The following KIRREL3 variants were observed in gnomAD, a reference collection of about 807,000 sequenced individuals.
KIRREL3 encodes kin of IRRE-like protein 3.
A neutral mutation model predicts 89.7 loss-of-function variants in KIRREL3; 36 were observed. That is an observed-to-expected ratio of 0.40 (90% CI 0.31 to 0.53). The LOEUF is 0.53. Among genes scored for constraint, KIRREL3 ranks in the 20% least tolerant of loss-of-function variants. The probability of loss-of-function intolerance (pLI) is 0.49; values close to 1 mark genes in which losing one functional copy is unlikely to be tolerated. For synonymous variants in KIRREL3, 445 were observed against 441.4 expected (o/e 1.01, Z -0.10); for missense variants, 864 against 1,056.6 (o/e 0.82, Z 2.53).
chr11:126,805,160 G>C lies in KIRREL3; in HGVS notation c.55+195295C>G, dbSNP rs1000214635. Among the ~76,000 whole-genome samples the C allele has an allele frequency of 5.9e-5, 9 of 152,140 alleles. No individual in the cohort carries two copies. The highest frequency in any genetic ancestry group is 2.0e-4 in the Admixed American group (3 of 15,266). ...TGCATGTATGTATTCATACATTAAT[G>C]TATTAAGGTAACATCTTTGTATTCA... is the stretch of plus-strand genomic sequence containing the variant. On this transcript the variant is annotated intron_variant, in intron 1 of 16. Coordinates refer to ENST00000525144, the MANE Select transcript of KIRREL3 (RefSeq NM_032531.4). This position sits in a 1 kb window ranked among gnomAD's most constrained non-coding sequence, Gnocchi z 4.3.
In KIRREL3 at chr11:126,776,204, T is replaced by G. The variant is rs916290706; in HGVS notation, c.56-213292A>C. On this transcript the variant is annotated intron_variant, in intron 1 of 16. Coordinates refer to ENST00000525144, the MANE Select transcript of KIRREL3 (RefSeq NM_032531.4). The surrounding 1 kb of genome is among the most constrained non-coding windows in gnomAD (Gnocchi z 4.7). Reference sequence around the variant, plus strand: ...CAGGTGGCTTCCCTCCTGTGGCTGCTTTCAGGGGCAGCCCTACTCTCTCTT... The same window carrying G: ...CAGGTGGCTTCCCTCCTGTGGCTGCGTTCAGGGGCAGCCCTACTCTCTCTT... Among the ~76,000 whole-genome samples the G allele has an allele frequency of 6.6e-6, 1 of 152,178 alleles. No individual in the cohort carries two copies. The highest frequency in any genetic ancestry group is 1.5e-5 in the Non-Finnish European group (1 of 68,032).
chr11:126,814,385 A>C lies in KIRREL3; in HGVS notation c.55+186070T>G, dbSNP rs1951491208. ...GTGGTCTCAAAGACCTACAGTCAGA[A>C]ACACCATTTGACCCAGCAATCCCAT... On this transcript the variant is annotated intron_variant, in intron 1 of 16. Transcript: ENST00000525144. This position sits in a 1 kb window ranked among gnomAD's most constrained non-coding sequence, Gnocchi z 4.4. Among the ~76,000 whole-genome samples the C allele has an allele frequency of 6.6e-6, 1 of 152,230 alleles. No individual in the cohort carries two copies. Among genetic ancestry groups the C allele is most frequent in the Non-Finnish European group, 1.5e-5 (1 of 68,038 alleles).
chr11:126,456,383 A>G lies in KIRREL3; in HGVS notation c.814T>C (p.Ser272Pro). 6.3e-7 allele frequency: 1 copy of G among 1,593,458 alleles called. No homozygotes were observed. Among genetic ancestry groups the G allele is most frequent in the South Asian group, 1.2e-5 (1 of 86,926 alleles). Residue 272 changes from serine (S) to proline (P), a missense_variant, in exon 7 of 17, where the codon TCT (serine) becomes CCT (proline). Physicochemically the swap from Ser to Pro is moderately conservative, Grantham distance 74. Transcript: ENST00000525144. ...GTGACAGCTGGGTTGGCCTTTGCAG[A>G]GCAGTGGAAAGTGACGACGTTGTCC... The part of the protein sequence containing the change: ...LEDNVVTFHC[S>P]AKANPAVTQY...
chr11:126,638,599 G>T (rs956310568), intron 1 of KIRREL3, among the ~76,000 whole-genome samples: 3 of 152,204 alleles, frequency 2.0e-5, no homozygotes, highest in Non-Finnish European at 4.4e-5. Context: ...AGGCGGGCTG[G>T]GGTGGGTAGC....
intron 6 of KIRREL3, 103 bp from the exon 7 acceptor site, chr11:126,456,557 C>G (rs996421399): frequency 1.3e-6 from 1 of 762,828 alleles, no homozygotes; most frequent in Non-Finnish European, 2.1e-6. Context: ...ACCCAGGGAC[C>G]CTCAGAGCAG....
chr11:126,778,267 C>A lies in KIRREL3; in HGVS notation c.56-215355G>T, dbSNP rs1336559916. On this transcript the variant is annotated intron_variant, in intron 1 of 16. Coordinates refer to ENST00000525144, the MANE Select transcript of KIRREL3 (RefSeq NM_032531.4). This position sits in a 1 kb window ranked among gnomAD's most constrained non-coding sequence, Gnocchi z 4.5. ...CACCTTGTTCTGTATCTTGCTTCTT[C>A]ACTTAAAAATATTTTGGAAACTAGT... Among the ~76,000 whole-genome samples the A allele has an allele frequency of 6.6e-6, 1 of 152,120 alleles. No homozygotes were observed. The highest frequency in any genetic ancestry group is 1.5e-5 in the Non-Finnish European group (1 of 68,020).
At chr11:126,889,077 G>C (rs138163424) in intron 1 of KIRREL3, among the ~76,000 whole-genome samples, 24 of 152,226 alleles carry the variant, frequency 1.6e-4, no homozygotes, top group Non-Finnish European at 3.4e-4. Flanking sequence ...AATAAATAAC[G>C]TCGTTAAAGT....
chr11:126,939,975 C>T (rs1948370899), intron 1 of KIRREL3, among the ~76,000 whole-genome samples: 1 of 152,162 alleles, frequency 6.6e-6, no homozygotes, highest in South Asian at 2.1e-4. Context: ...GACTTTACCT[C>T]CTCTGACTTT....
At chr11:126,560,008 G>T (rs942539640) in intron 2 of KIRREL3, among the ~76,000 whole-genome samples, 1 of 152,044 alleles carries the variant, frequency 6.6e-6, no homozygotes, top group African/African-American at 2.4e-5. Flanking sequence ...TAGCTCCAGT[G>T]CTTAGAACAA....
chr11:126,865,403 C>T (rs1032213901), intron 1 of KIRREL3, among the ~76,000 whole-genome samples: 2 of 152,160 alleles, frequency 1.3e-5, no homozygotes, highest in East Asian at 1.9e-4. Flanking sequence ...GTTTGCTGAG[C>T]GGGTCATTGA....
rs1293062133 is a variant in KIRREL3 at position 126,558,561 on chromosome 11, A to G, written c.133+4274T>C. On this transcript the variant is annotated intron_variant, in intron 2 of 16. Coordinates refer to ENST00000525144, the MANE Select transcript of KIRREL3 (RefSeq NM_032531.4). The surrounding 1 kb of genome is among the most constrained non-coding windows in gnomAD (Gnocchi z 4.0). ...ATATGGGCCCCGGGCAAGTTGCTGC[A>G]TGCTCTTGGGCCATGCTGTGTTATT... Among the ~76,000 whole-genome samples the G allele has an allele frequency of 2.0e-5, 3 of 152,166 alleles. No homozygotes were observed. Among genetic ancestry groups the G allele is most frequent in the African/African-American group, 7.2e-5 (3 of 41,444 alleles).
rs1941935028 is a variant in KIRREL3, at chr11:126,587,713, T to C, written c.56-24801A>G. 6.6e-6 allele frequency among the ~76,000 whole-genome samples: 1 copy of C among 152,242 alleles called. No homozygotes were observed. Among genetic ancestry groups the C allele is most frequent in the African/African-American group, 2.4e-5 (1 of 41,466 alleles). Reference sequence around the variant, plus strand: ...TCTGTCTCTGAATGGCTTTTACTTTTCACTAAATTGAAACCGCAGTACAAT... The same window carrying C: ...TCTGTCTCTGAATGGCTTTTACTTTCCACTAAATTGAAACCGCAGTACAAT... On this transcript the variant is annotated intron_variant, in intron 1 of 16. Transcript: ENST00000525144. This position sits in a 1 kb window ranked among gnomAD's most constrained non-coding sequence, Gnocchi z 5.2.
intron 1 of KIRREL3, among the ~76,000 whole-genome samples, chr11:126,832,542 C>T (rs115905867): frequency 3.0e-4 from 45 of 152,252 alleles, no homozygotes; most frequent in African/African-American, 1.1e-3. Context: ...CTTGCATGTT[C>T]AAAACCACTC....
chr11:126,716,071 A>T (rs550742375), intron 1 of KIRREL3, among the ~76,000 whole-genome samples: 7 of 152,054 alleles, frequency 4.6e-5, no homozygotes, highest in African/African-American at 1.7e-4. Context: ...GTGGGAGGTG[A>T]TGAGAAAGAA....
At chr11:126,937,431 A>G (rs1335120293) in intron 1 of KIRREL3, among the ~76,000 whole-genome samples, 1 of 152,222 alleles carries the variant, frequency 6.6e-6, no homozygotes, top group Non-Finnish European at 1.5e-5. Flanking sequence ...CAGATGTGGC[A>G]GGCGCTCTTG....
Position 126,918,108 on chromosome 11 carries a change from A to G in KIRREL3, c.55+82347T>C, listed in dbSNP as rs761161780. On this transcript the variant is annotated intron_variant, in intron 1 of 16. Coordinates refer to ENST00000525144, the MANE Select transcript of KIRREL3 (RefSeq NM_032531.4). This position sits in a 1 kb window ranked among gnomAD's most constrained non-coding sequence, Gnocchi z 6.5. ...ATGATATGCATGCCTCTCAGAGGGA[A>G]GACAGAGACTCACGGTATGGCAGTT... 3.9e-5 allele frequency among the ~76,000 whole-genome samples: 6 copies of G among 152,152 alleles called. No individual in the cohort carries two copies. The highest frequency in any genetic ancestry group is 5.9e-5 in the Non-Finnish European group (4 of 68,020).
At chr11:126,757,710 T>A (rs938727785) in intron 1 of KIRREL3, among the ~76,000 whole-genome samples, 1 of 151,400 alleles carries the variant, frequency 6.6e-6, no homozygotes, top group African/African-American at 2.4e-5. Flanking sequence ...ATACCAAGAT[T>A]TACAGATTGA....
In KIRREL3 at chr11:126,985,804, A is replaced by G. The variant is rs1291537400; in HGVS notation, c.55+14651T>C. Among the ~76,000 whole-genome samples the G allele has an allele frequency of 1.3e-5, 2 of 152,244 alleles. No homozygotes were observed. Among genetic ancestry groups the G allele is most frequent in the Non-Finnish European group, 2.9e-5 (2 of 68,046 alleles). On this transcript the variant is annotated intron_variant, in intron 1 of 16. Coordinates refer to ENST00000525144, the MANE Select transcript of KIRREL3 (RefSeq NM_032531.4). This position sits in a 1 kb window ranked among gnomAD's most constrained non-coding sequence, Gnocchi z 5.3. ...AAGCTGATGATTTGGTTATTGTCACAGCGGAGCTACTGACATAGTTCAATG... is the reference window on the plus strand; with the variant it reads ...AAGCTGATGATTTGGTTATTGTCACGGCGGAGCTACTGACATAGTTCAATG...
intron 4 of KIRREL3, among the ~76,000 whole-genome samples, chr11:126,511,372 C>A (rs1316586772): frequency 6.6e-6 from 1 of 152,002 alleles, no homozygotes; most frequent in Non-Finnish European, 1.5e-5. Flanking sequence ...CCCAGGCTGC[C>A]TGGAGAGGCA....
Sources: allele counts gnomAD v4.1 joint callset (sites outside exome capture counted in the v4.1 genomes callset), GRCh38; gene constraint gnomAD v4.1.1; non-coding constraint Gnocchi (gnomAD v3.1); transcripts MANE v1.5; gene names NCBI Gene and HGNC (gene_info 2026-07-23, HGNC 2026-07-21).